Variants in GPR158 observed in about 807,000 individuals in gnomAD.
GPR158 encodes the protein G protein-coupled receptor 158.
GPR158 carries 30 observed loss-of-function variants against 78.2 expected under a neutral mutation model. That is an observed-to-expected ratio of 0.38 (90% confidence interval 0.29 to 0.52). The LOEUF is 0.52. GPR158 is among the 20% of genes least tolerant of loss of function. The pLI is 0.83. For missense variants in GPR158, 1,463 were observed against 1,523.5 expected, an observed-to-expected ratio of 0.96 and a Z score of 0.66; for synonymous variants, 581 against 591.1, an observed-to-expected ratio of 0.98 and a Z score of 0.25.
intron 2 of GPR158, among the ~76,000 whole-genome samples, chr10:25,227,398 C>T (rs2791324): frequency 0.14 from 21,905 of 152,142 alleles, 1,998 homozygotes; most frequent in East Asian, 0.3. Context: ...TCTTTCCCTG[C>T]GTACAGTTTC....
Position 25,433,576 on chromosome 10 carries a change from CGCGCGTGCGCGT to C in GPR158, c.1335+21108_1335+21119del, listed in dbSNP as rs202106057. 3.1e-4 allele frequency among the ~76,000 whole-genome samples: 36 copies of C among 116,068 alleles called. No individual in the cohort carries two copies. The South Asian group carries it at 3.2e-3, about 10-fold the overall frequency. 76.1% of individuals were successfully genotyped at this position (116,068 alleles called of 152,430 possible). A position where few individuals can be genotyped will look rare whatever the true frequency, so the allele number is the denominator to read the frequency against. On this transcript the variant is annotated intron_variant, in intron 4 of 10. Transcript: ENST00000376351. ...GTGTGTGTGTGTGTGTGTGTGCGCG[CGCGCGTGCGCGT>C]GCGCATATATGAATGTCAAGGTGGT...
chr10:25,418,003 G>C (rs972533330), intron 4 of GPR158, among the ~76,000 whole-genome samples: 1 of 152,152 alleles, frequency 6.6e-6, no homozygotes, highest in Non-Finnish European at 1.5e-5. Flanking sequence ...ATTTATATTA[G>C]AGTAGCTCTG....
intron 2 of GPR158, among the ~76,000 whole-genome samples, chr10:25,391,279 G>A (rs1016987143): frequency 3.9e-5 from 6 of 152,138 alleles, no homozygotes; most frequent in African/African-American, 1.4e-4. Flanking sequence ...GCTGTGAGAA[G>A]AGGACCACCA....
rs10642944 is a variant in GPR158 at position 25,212,627 on chromosome 10, C to CTTTTTTTTTTTTTTT, written c.903-8417_903-8403dup. ...TACTTAACTACTAGAGAATTTATAG[C>CTTTTTTTTTTTTTTT]TTTTTTTTTTTTTTTTTTTTTTGAG... On this transcript the variant is annotated intron_variant, in intron 1 of 10. Coordinates refer to ENST00000376351, the MANE Select transcript of GPR158 (RefSeq NM_020752.3). Among the ~76,000 whole-genome samples the CTTTTTTTTTTTTTTT allele has an allele frequency of 8.9e-5, 7 of 78,570 alleles. 1 individual carries two copies. The highest frequency in any genetic ancestry group is 2.7e-4 in the African/African-American group (5 of 18,710). The allele number at this position is 78,570 out of a possible 152,430, so 51.5% of individuals were successfully genotyped here. A position where few individuals can be genotyped will look rare whatever the true frequency, so the allele number is the denominator to read the frequency against.
chr10:25,481,159 T>C (rs1835659679), intron 5 of GPR158, among the ~76,000 whole-genome samples: 2 of 151,982 alleles, frequency 1.3e-5, no homozygotes, highest in African/African-American at 4.8e-5. Flanking sequence ...AACCAGCAGG[T>C]GGGGAGCCAG....
chr10:25,339,891 T>TG (rs1855278414), intron 2 of GPR158, among the ~76,000 whole-genome samples: 1 of 152,146 alleles, frequency 6.6e-6, no homozygotes, highest in Non-Finnish European at 1.5e-5. Context: ...TGTGTACAGC[T>TG]GGGTTCATTT....
At chr10:25,359,973 A>G (rs1229113888) in intron 2 of GPR158, among the ~76,000 whole-genome samples, 1 of 152,164 alleles carries the variant, frequency 6.6e-6, no homozygotes, top group East Asian at 1.9e-4. Context: ...ATGAGATGGT[A>G]TCTCATGGTG....
chr10:25,433,399 C>T (rs1834939567), intron 4 of GPR158, among the ~76,000 whole-genome samples: 1 of 152,102 alleles, frequency 6.6e-6, no homozygotes, highest in Admixed American at 6.6e-5. Context: ...AAATTAAGTT[C>T]TTCCATAGCA....
chr10:25,284,267 TTTTTGCTTCAAATATTGATA>T (rs1854316292), intron 2 of GPR158, among the ~76,000 whole-genome samples: 1 of 152,050 alleles, frequency 6.6e-6, no homozygotes, highest in African/African-American at 2.4e-5. Context: ...ATTTGATTAG[TTTTTGCTTCAAATATTGATA>T]TTTTGAAGCT....
At chr10:25,222,308 A>G (rs1190497157) in intron 2 of GPR158, among the ~76,000 whole-genome samples, 1 of 150,818 alleles carries the variant, frequency 6.6e-6, no homozygotes, top group African/African-American at 2.4e-5. Context: ...GCATCCCTCA[A>G]TCCTCTTGCC....
chr10:25,425,333 A>C (rs917075535), intron 4 of GPR158, among the ~76,000 whole-genome samples: 2 of 152,150 alleles, frequency 1.3e-5, no homozygotes, highest in Admixed American at 1.3e-4. Context: ...CAGCACATCC[A>C]TGCCAATGTC....
chr10:25,578,473 C>T (rs1226845949), intron 7 of GPR158, among the ~76,000 whole-genome samples: 2 of 152,108 alleles, frequency 1.3e-5, no homozygotes, highest in Non-Finnish European at 2.9e-5. Flanking sequence ...TGTACAAGTT[C>T]AAATTTGGGG....
At chr10:25,475,363 C>G (rs999813873) in intron 5 of GPR158, 4 of 152,094 alleles carry the variant, frequency 2.6e-5, no homozygotes, top group African/African-American at 9.7e-5. Context: ...GCTATTTTAT[C>G]TTTCAGAACG....
chr10:25,236,780 A>G (rs911414546), intron 2 of GPR158, among the ~76,000 whole-genome samples: 3 of 152,078 alleles, frequency 2.0e-5, no homozygotes, highest in Non-Finnish European at 4.4e-5. Context: ...AGTACATTGT[A>G]CATGTTTCTA....
At chr10:25,585,528 A>G (rs1158689313) in intron 7 of GPR158, among the ~76,000 whole-genome samples, 2 of 152,232 alleles carry the variant, frequency 1.3e-5, no homozygotes, top group African/African-American at 2.4e-5. Flanking sequence ...AAGAAAATTC[A>G]ATGTAGGTTA....
At chr10:25,183,849 A>G (rs1483426341) in intron 1 of GPR158, among the ~76,000 whole-genome samples, 3 of 152,228 alleles carry the variant, frequency 2.0e-5, no homozygotes, top group African/African-American at 7.2e-5. Flanking sequence ...CATGGCTTTT[A>G]TCTGAGAAAG....
chr10:25,494,004 C>T (rs1179601972), intron 5 of GPR158, among the ~76,000 whole-genome samples: 2 of 152,038 alleles, frequency 1.3e-5, no homozygotes, highest in Non-Finnish European at 2.9e-5. Flanking sequence ...AACACAAAAG[C>T]AAGTATCATC....
At chr10:25,281,764 G>A (rs553573865) in intron 2 of GPR158, among the ~76,000 whole-genome samples, 57 of 152,038 alleles carry the variant, frequency 3.7e-4, no homozygotes, top group Non-Finnish European at 4.9e-4. Context: ...GAAGGAAATA[G>A]TAAAGAGCAG....
chr10:25,186,222 G>A (rs146186787), intron 1 of GPR158, among the ~76,000 whole-genome samples: 4,469 of 152,106 alleles, frequency 0.029, 226 homozygotes, highest in African/African-American at 0.1. Context: ...CATTTAAAGC[G>A]GTGTGTAGAG....
Sources: allele counts gnomAD v4.1 joint callset (sites outside exome capture counted in the v4.1 genomes callset), GRCh38; gene constraint gnomAD v4.1.1; transcripts MANE v1.5; gene names NCBI Gene and HGNC (gene_info 2026-07-23, HGNC 2026-07-21).